Variants in TRAPPC9 observed in about 807,000 individuals in gnomAD.
TRAPPC9 encodes IKK2 binding protein.
In TRAPPC9, 83 loss-of-function variants were observed where a neutral mutation model predicts 124.0. The observed-to-expected ratio is 0.67, with a 90% CI of 0.56 to 0.80. The LOEUF (loss-of-function observed/expected upper bound fraction) is 0.80, where lower values mean the gene tolerates loss of function less well. TRAPPC9 is among the 30% of genes least tolerant of loss of function. TRAPPC9 has a pLI of 0.00. For missense variants in TRAPPC9, 1,302 were observed against 1,508.3 expected, an observed-to-expected ratio of 0.86 and a Z score of 2.27; for synonymous variants, 638 against 617.5, an observed-to-expected ratio of 1.03 and a Z score of -0.49.
chr8:140,242,042 C>T (rs911443988), intron 16 of TRAPPC9, among the ~76,000 whole-genome samples: 4 of 151,930 alleles, frequency 2.6e-5, no homozygotes, highest in African/African-American at 7.3e-5. Flanking sequence ...AAAAGAGAGA[C>T]GGACATTCCA....
chr8:139,975,667 C>T (rs558012087), intron 19 of TRAPPC9, among the ~76,000 whole-genome samples: 101 of 152,302 alleles, frequency 6.6e-4, no homozygotes, highest in Non-Finnish European at 3.8e-4. Flanking sequence ...TGACCCCTCA[C>T]CACCCCCACA....
intron 21 of TRAPPC9, among the ~76,000 whole-genome samples, chr8:139,852,434 C>T (rs1827542339): frequency 6.6e-6 from 1 of 152,158 alleles, no homozygotes; most frequent in African/African-American, 2.4e-5. Context: ...GGACAGGAGG[C>T]TCCTCACCGA....
At chr8:139,835,608 G>A (rs985147057) in intron 21 of TRAPPC9, among the ~76,000 whole-genome samples, 1 of 152,232 alleles carries the variant, frequency 6.6e-6, no homozygotes, top group African/African-American at 2.4e-5. Flanking sequence ...TGCTGCTGCT[G>A]TAAAGCGATC....
intron 18 of TRAPPC9, among the ~76,000 whole-genome samples, chr8:139,999,179 T>C (rs911860413): frequency 6.6e-6 from 1 of 151,992 alleles, no homozygotes; most frequent in Non-Finnish European, 1.5e-5. Flanking sequence ...ACAGAGATTG[T>C]CAGAATACGT....
chr8:140,410,610 G>A (rs556880129), intron 5 of TRAPPC9, among the ~76,000 whole-genome samples: 11 of 152,274 alleles, frequency 7.2e-5, no homozygotes, highest in South Asian at 4.1e-4. Flanking sequence ...TCGGAAGGCC[G>A]AGGCGGGCGG....
intron 21 of TRAPPC9, among the ~76,000 whole-genome samples, chr8:139,810,961 G>A (rs561092530): frequency 6.6e-6 from 1 of 152,184 alleles, no homozygotes; most frequent in Non-Finnish European, 1.5e-5. Flanking sequence ...CTACTTTAGG[G>A]CCTCATAGGA....
chr8:140,419,451 A>G (rs1016281021), intron 5 of TRAPPC9, among the ~76,000 whole-genome samples: 6 of 140,122 alleles, frequency 4.3e-5, no homozygotes, highest in African/African-American at 1.7e-4. Context: ...AAAAAAAAAA[A>G]ACAAAACAAA....
At chr8:139,765,841 C>T (rs137923007) in intron 21 of TRAPPC9, among the ~76,000 whole-genome samples, 25 of 152,300 alleles carry the variant, frequency 1.6e-4, no homozygotes, top group South Asian at 2.1e-4. Flanking sequence ...GAATTTGGAT[C>T]ACCCAGCCTG....
At chr8:140,440,941 G>GTGTCCTTGA (rs1277291267) in intron 2 of TRAPPC9, among the ~76,000 whole-genome samples, 10 of 148,814 alleles carry the variant, frequency 6.7e-5, no homozygotes, top group Non-Finnish European at 1.3e-4. Context: ...TTTGGGTTAA[G>GTGTCCTTGA]TGTCCTTGAT....
At chr8:140,336,259 C>T (rs2067037078) in intron 9 of TRAPPC9, among the ~76,000 whole-genome samples, 1 of 152,126 alleles carries the variant, frequency 6.6e-6, no homozygotes, top group African/African-American at 2.4e-5. Flanking sequence ...ACATAATGAT[C>T]ACAGTTACAA....
intron 15 of TRAPPC9, among the ~76,000 whole-genome samples, chr8:140,255,309 A>C (rs1290643360): frequency 6.6e-6 from 1 of 152,204 alleles, no homozygotes; most frequent in African/African-American, 2.4e-5. Context: ...CAGTGAAATC[A>C]TGGAAGGAGG....
Position 140,406,333 on chromosome 8 carries a change from CA to C in TRAPPC9, c.887-636del, listed in dbSNP as rs370298931. On this transcript the variant is annotated intron_variant, in intron 5 of 22. Transcript: ENST00000438773. ...ATATTCATTGACTTCACAGAACACTCAAAAAATATTCTCCTAAATCTCAATA... is the reference window on the plus strand; with the variant it reads ...ATATTCATTGACTTCACAGAACACTCAAAAATATTCTCCTAAATCTCAATA... Among the ~76,000 whole-genome samples, 474 of 152,238 alleles carry C rather than the reference CA, an allele frequency of 3.1e-3. 2 individuals are homozygous for C. The highest frequency in any genetic ancestry group is 0.011 in the African/African-American group (461 of 41,552).
intron 19 of TRAPPC9, among the ~76,000 whole-genome samples, chr8:139,958,400 C>T (rs1387883510): frequency 6.6e-6 from 1 of 152,220 alleles, no homozygotes; most frequent in Non-Finnish European, 1.5e-5. Context: ...TCAGATGTCT[C>T]CATGAGACTC....
upstream of TRAPPC9, among the ~76,000 whole-genome samples, chr8:140,458,077 A>G (rs1335669831): frequency 2.8e-5 from 2 of 70,310 alleles, no homozygotes; most frequent in Admixed American, 3.5e-4. Context: ...AGCGGGGGAC[A>G]GGGAGAGGGT....
At chr8:139,877,408 T>C (rs894325275) in intron 21 of TRAPPC9, among the ~76,000 whole-genome samples, 6 of 152,124 alleles carry the variant, frequency 3.9e-5, no homozygotes, top group Admixed American at 1.3e-4. Context: ...TACCTCCTGC[T>C]CTTCCCACCT....
At position 140,353,316 on chromosome 8, in the gene TRAPPC9, A is replaced by AC. The variant is rs199631329; in HGVS notation, c.1495+6733dup. Among the ~76,000 whole-genome samples, 184 of 144,968 alleles carry AC rather than the reference A, an allele frequency of 1.3e-3. No homozygotes were observed. The highest frequency in any genetic ancestry group is 4.0e-3 in the African/African-American group (157 of 38,996). ...CACTGGCCCCCTCCCATCTCATGGG[A>AC]CCCCCCCCTTTCGTCACTCCTCAGT... On this transcript the variant is annotated intron_variant, in intron 9 of 22. Transcript: ENST00000438773. This position sits in a 1 kb window ranked among gnomAD's most constrained non-coding sequence, Gnocchi z 4.2.
intron 19 of TRAPPC9, among the ~76,000 whole-genome samples, chr8:139,966,387 C>A (rs1281493264): frequency 6.6e-6 from 1 of 152,230 alleles, no homozygotes; most frequent in Non-Finnish European, 1.5e-5. Context: ...ACCCATCAGA[C>A]CCTGCTCTCT....
chr8:140,024,586 G>A (rs1412606475), intron 17 of TRAPPC9, among the ~76,000 whole-genome samples: 4 of 151,986 alleles, frequency 2.6e-5, no homozygotes, highest in Admixed American at 2.0e-4. Flanking sequence ...TAGTAGATAT[G>A]GGATTTCACC....
intron 18 of TRAPPC9, among the ~76,000 whole-genome samples, chr8:140,022,661 T>C (rs1251318565): frequency 6.6e-6 from 1 of 152,108 alleles, no homozygotes; most frequent in Non-Finnish European, 1.5e-5. Flanking sequence ...ATGGAGCAAA[T>C]GTAATGCTCA....
Sources: gnomAD v4.1 joint callset for allele counts (sites outside exome capture counted in the v4.1 genomes callset) on GRCh38, gnomAD v4.1.1 for gene constraint, Gnocchi (gnomAD v3.1) non-coding constraint, MANE v1.5 for transcripts, NCBI Gene and HGNC (gene_info 2026-07-23, HGNC 2026-07-21) for gene names.